The following GALNT13 variants were observed in gnomAD, a reference collection of about 807,000 sequenced individuals.
GALNT13 encodes the protein polypeptide N-acetylgalactosaminyltransferase 13.
A neutral mutation model predicts 64.2 loss-of-function variants in GALNT13; 28 were observed. The observed-to-expected ratio is 0.44, with a 90% CI of 0.32 to 0.60. The LOEUF (loss-of-function observed/expected upper bound fraction) is 0.60, where lower values mean the gene tolerates loss of function less well. Among genes scored for constraint, GALNT13 ranks in the 20% least tolerant of loss-of-function variants. The probability of loss-of-function intolerance (pLI) is 0.05; values close to 1 mark genes in which losing one functional copy is unlikely to be tolerated. For synonymous variants in GALNT13, 214 were observed against 224.6 expected, an observed-to-expected ratio of 0.95 and a Z score of 0.42; for missense variants, 577 against 669.8, an observed-to-expected ratio of 0.86 and a Z score of 1.53.
At chr2:154,065,935 CAG>C (rs1259479594) in intron 3 of GALNT13, among the ~76,000 whole-genome samples, 1 of 137,320 alleles carries the variant, frequency 7.3e-6, no homozygotes, top group African/African-American at 3.2e-5. Context: ...ATTTTTCAGA[CAG>C]AGAATTTAAA....
chr2:154,261,152 G>A (rs1559054280), intron 8 of GALNT13, among the ~76,000 whole-genome samples: 1 of 152,156 alleles, frequency 6.6e-6, no homozygotes, highest in Non-Finnish European at 1.5e-5. Flanking sequence ...GGATATGATA[G>A]ATGATGCAGA....
At chr2:154,152,416 A>T (rs1366885436) in intron 4 of GALNT13, among the ~76,000 whole-genome samples, 1 of 152,028 alleles carries the variant, frequency 6.6e-6, no homozygotes, top group African/African-American at 2.4e-5. Context: ...GTCTTGGAGT[A>T]GCTCTTCTTG....
At chr2:153,402,390 C>G in the GALNT13 span, among the ~76,000 whole-genome samples, 9 of 150,692 alleles carry the variant, frequency 6.0e-5, no homozygotes, top group Non-Finnish European at 1.3e-4. Context: ...TTTGGTGAAT[C>G]TGACAATTAT....
At chr2:154,346,522 C>G (rs546933294) in intron 9 of GALNT13, among the ~76,000 whole-genome samples, 1 of 152,014 alleles carries the variant, frequency 6.6e-6, no homozygotes, top group South Asian at 2.1e-4. Flanking sequence ...ATAAGTCTCA[C>G]GAGATCTGAT....
At chr2:154,400,822 A>C (rs2105372637) in intron 10 of GALNT13, among the ~76,000 whole-genome samples, 1 of 152,244 alleles carries the variant, frequency 6.6e-6, no homozygotes, top group East Asian at 1.9e-4. Context: ...GCTTATGTAG[A>C]TTTAACATGC....
chr2:153,494,096 T>G, the GALNT13 span, among the ~76,000 whole-genome samples: 1 of 151,954 alleles, frequency 6.6e-6, no homozygotes, highest in Non-Finnish European at 1.5e-5. Flanking sequence ...GAACAAGACC[T>G]CTTCACTTAC....
chr2:154,148,986 A>T (rs996101618), intron 4 of GALNT13, among the ~76,000 whole-genome samples: 2 of 152,098 alleles, frequency 1.3e-5, no homozygotes, highest in African/African-American at 4.8e-5. Context: ...GGTGTTTTAG[A>T]CATGAAGTCC....
chr2:153,289,625 T>G, the GALNT13 span, among the ~76,000 whole-genome samples: 1 of 152,326 alleles, frequency 6.6e-6, no homozygotes, highest in Non-Finnish European at 1.5e-5. Context: ...TTGTTAACTT[T>G]TTGATTTATT....
intron 4 of GALNT13, among the ~76,000 whole-genome samples, chr2:154,235,351 A>G (rs1689138687): frequency 6.6e-6 from 1 of 152,158 alleles, no homozygotes; most frequent in Non-Finnish European, 1.5e-5. Context: ...TGTAAATATA[A>G]ACCAACACAC....
At chr2:153,614,917 T>A in the GALNT13 span, among the ~76,000 whole-genome samples, 1 of 152,090 alleles carries the variant, frequency 6.6e-6, no homozygotes, top group Admixed American at 6.6e-5. Flanking sequence ...AAATATACAA[T>A]TAAGTTACTA....
intron 3 of GALNT13, among the ~76,000 whole-genome samples, chr2:154,114,020 C>A (rs952949752): frequency 6.6e-6 from 1 of 152,218 alleles, no homozygotes; most frequent in Non-Finnish European, 1.5e-5. Context: ...AATCCACTGT[C>A]ATTCTCCAAG....
the GALNT13 span, among the ~76,000 whole-genome samples, chr2:153,824,352 T>G: frequency 6.6e-6 from 1 of 152,166 alleles, no homozygotes; most frequent in Non-Finnish European, 1.5e-5. Context: ...ACTATTATTT[T>G]ACCCAGCAAT....
chr2:154,056,736 A>C (rs1699911947), intron 3 of GALNT13, among the ~76,000 whole-genome samples: 1 of 152,112 alleles, frequency 6.6e-6, no homozygotes, highest in South Asian at 2.1e-4. Context: ...AATTTGTTAG[A>C]GTTTATATGT....
chr2:153,542,372 G>A, the GALNT13 span, among the ~76,000 whole-genome samples: 37 of 148,930 alleles, frequency 2.5e-4, no homozygotes, highest in Admixed American at 2.2e-3. Flanking sequence ...AAAAAAAACC[G>A]GAAGTAGAAG....
At chr2:153,396,971 C>T in the GALNT13 span, among the ~76,000 whole-genome samples, 1 of 151,982 alleles carries the variant, frequency 6.6e-6, no homozygotes, top group Non-Finnish European at 1.5e-5. Flanking sequence ...GGTCTGAGTA[C>T]CACAAAAAAT....
the GALNT13 span, among the ~76,000 whole-genome samples, chr2:153,391,058 C>T: frequency 6.6e-6 from 1 of 151,804 alleles, no homozygotes; most frequent in Admixed American, 6.6e-5. Context: ...GGGAATTTGC[C>T]ATTCTTTTAT....
the GALNT13 span, among the ~76,000 whole-genome samples, chr2:153,411,229 A>T: frequency 1.3e-5 from 2 of 151,162 alleles, no homozygotes; most frequent in East Asian, 3.9e-4. Context: ...CATATAGTAA[A>T]TTCATTCATT....
chr2:153,630,673 A>G, the GALNT13 span, among the ~76,000 whole-genome samples: 1 of 143,764 alleles, frequency 7.0e-6, no homozygotes, highest in African/African-American at 2.5e-5. Context: ...AAAAAATTAA[A>G]AAATTAAAAA....
chr2:153,717,293 C>A, the GALNT13 span, among the ~76,000 whole-genome samples: 46 of 152,284 alleles, frequency 3.0e-4, no homozygotes, highest in African/African-American at 1.1e-3. Flanking sequence ...GTTTCACTTC[C>A]ATTCTGCAGG....
Sources: allele counts gnomAD v4.1 joint callset (sites outside exome capture counted in the v4.1 genomes callset), GRCh38; gene constraint gnomAD v4.1.1; transcripts MANE v1.5; gene names NCBI Gene and HGNC (gene_info 2026-07-23, HGNC 2026-07-21).